The following CACNA1C variants were observed in gnomAD, a reference collection of about 807,000 sequenced individuals.
The protein encoded by CACNA1C is voltage-dependent L-type calcium channel subunit alpha-1C.
In CACNA1C, 30 loss-of-function variants were observed where a neutral mutation model predicts 229.0. The ratio of observed to expected loss-of-function variants is 0.13; its 90% confidence interval spans 0.10 to 0.18. CACNA1C has a LOEUF of 0.18. CACNA1C is among the 10% of genes least tolerant of loss of function. The probability of loss-of-function intolerance (pLI) is 1.00; values close to 1 mark genes in which losing one functional copy is unlikely to be tolerated. For synonymous variants in CACNA1C, 1,114 were observed against 1,132.5 expected, an observed-to-expected ratio of 0.98 and a Z score of 0.33; for missense variants, 1,658 against 2,845.0, an observed-to-expected ratio of 0.58 and a Z score of 9.49.
intron 3 of CACNA1C, among the ~76,000 whole-genome samples, chr12:2,395,719 C>T (rs1158242043): frequency 6.6e-6 from 1 of 152,136 alleles, no homozygotes; most frequent in African/African-American, 2.4e-5. Context: ...CCCATGTATT[C>T]CTTTCAACGC....
In CACNA1C at chr12:2,575,967, G is replaced by A. The variant is rs1288256896; in HGVS notation, c.1896-5623G>A. The stretch of plus-strand genomic sequence containing the variant: ...CAAACCCAGAGACAGACCTAGAGAC[G>A]GGGAAACAAATGGAGATAAAAGGAT... On this transcript the variant is annotated intron_variant, in intron 13 of 46. Coordinates refer to ENST00000399655, the MANE Select transcript of CACNA1C (RefSeq NM_000719.7). This position sits in a 1 kb window ranked among gnomAD's most constrained non-coding sequence, Gnocchi z 4.0. 6.6e-6 allele frequency among the ~76,000 whole-genome samples: 1 copy of A among 152,156 alleles called. No individual in the cohort carries two copies. The highest frequency in any genetic ancestry group is 1.5e-5 in the Non-Finnish European group (1 of 68,032).
At chr12:2,391,219 A>G (rs1389607821) in intron 3 of CACNA1C, among the ~76,000 whole-genome samples, 2 of 152,186 alleles carry the variant, frequency 1.3e-5, no homozygotes, top group Non-Finnish European at 2.9e-5. Flanking sequence ...CATTTGGGGC[A>G]TGTTTGGGTG....
Position 2,218,699 on chromosome 12 carries a change from C to T in CACNA1C, c.477+98269C>T, listed in dbSNP as rs569500476. ...TTCACTCTGGGAAACATTTGATGTC[C>T]GGGCTACTGTAATACGTGAAATAGA... is the stretch of plus-strand genomic sequence containing the variant. On this transcript the variant is annotated intron_variant, in intron 3 of 46. Transcript: ENST00000399655. 7.9e-5 allele frequency among the ~76,000 whole-genome samples: 12 copies of T among 152,248 alleles called. No homozygotes were observed. In the South Asian group the frequency reaches 1.5e-3, roughly 18 times the overall value.
intron 3 of CACNA1C, among the ~76,000 whole-genome samples, chr12:2,437,191 T>C (rs2099142872): frequency 6.6e-6 from 1 of 152,212 alleles, no homozygotes; most frequent in Non-Finnish European, 1.5e-5. Flanking sequence ...TCATAGCCAG[T>C]GGTGCTCCTC....
intron 3 of CACNA1C, among the ~76,000 whole-genome samples, chr12:2,245,190 G>A (rs1357273745): frequency 6.6e-6 from 1 of 152,168 alleles, no homozygotes; most frequent in Admixed American, 6.5e-5. Flanking sequence ...TTAAGAAGGT[G>A]GTTCAATTAA....
chr12:2,490,070 A>G (rs370792272), intron 6 of CACNA1C, among the ~76,000 whole-genome samples: 1 of 152,166 alleles, frequency 6.6e-6, no homozygotes, highest in African/African-American at 2.4e-5. Context: ...ATAGATACCT[A>G]TTTTTACCAG....
intron 2 of CACNA1C, among the ~76,000 whole-genome samples, chr12:2,116,237 G>A (rs1434816483): frequency 3.9e-5 from 6 of 152,230 alleles, no homozygotes; most frequent in African/African-American, 1.4e-4. Context: ...CTGTCTGGAA[G>A]TGTTCTGTTT....
chr12:2,460,957 G>A (rs539577171), intron 5 of CACNA1C, among the ~76,000 whole-genome samples: 2 of 152,306 alleles, frequency 1.3e-5, no homozygotes, highest in South Asian at 2.1e-4. Flanking sequence ...AGTGTGGTTG[G>A]TGTCATCTAC....
intron 3 of CACNA1C, among the ~76,000 whole-genome samples, chr12:2,312,980 T>C (rs2095512650): frequency 6.6e-6 from 1 of 152,204 alleles, no homozygotes; most frequent in South Asian, 2.1e-4. Flanking sequence ...CCCACTGTCC[T>C]TCCCTAGCTT....
rs565909233 is a variant in CACNA1C, at chr12:2,067,328, T to C, written c.49+13717T>C. 1.2e-4 allele frequency among the ~76,000 whole-genome samples: 18 copies of C among 152,136 alleles called. No individual in the cohort carries two copies. The highest frequency in any genetic ancestry group is 4.3e-4 in the African/African-American group (18 of 41,494). On this transcript the variant is annotated intron_variant, in intron 1 of 46. Transcript: ENST00000399655. This position sits in a 1 kb window ranked among gnomAD's most constrained non-coding sequence, Gnocchi z 5.3. ...ATGGGCCCCTTGAGCTCTGAGTGGA[T>C]GCACAAAGGGCCAGGTGGACTTTCT...
At chr12:2,111,283 C>T (rs1244204431) in intron 1 of CACNA1C, among the ~76,000 whole-genome samples, 4 of 152,178 alleles carry the variant, frequency 2.6e-5, no homozygotes, top group Non-Finnish European at 2.9e-5. Flanking sequence ...CAGAAGGCAG[C>T]CCACCAGGAT....
rs2095203980 is a variant in CACNA1C, at chr12:2,653,252, T to C, written c.4075-583T>C. Among the ~76,000 whole-genome samples, 1 of 152,348 alleles carries C rather than the reference T, an allele frequency of 6.6e-6. No individual in the cohort carries two copies. The highest frequency in any genetic ancestry group is 2.1e-4 in the South Asian group (1 of 4,822). On this transcript the variant is annotated intron_variant, in intron 32 of 46. Transcript: ENST00000399655. This position sits in a 1 kb window ranked among gnomAD's most constrained non-coding sequence, Gnocchi z 4.7. ...AACCGCTGAGAGGTATTATTATTGT[T>C]TCCATTTTTCTGATGAGGAGACTGA...
At chr12:2,684,077 C>T (rs2097317214) in intron 43 of CACNA1C, among the ~76,000 whole-genome samples, 2 of 152,282 alleles carry the variant, frequency 1.3e-5, no homozygotes, top group South Asian at 4.1e-4. Flanking sequence ...ACCAGGTGCC[C>T]CACCCTGAGG....
intron 16 of CACNA1C, 59 bp downstream of exon 16, chr12:2,584,676 C>T: frequency 7.0e-6 from 8 of 1,140,788 alleles, no homozygotes; most frequent in Non-Finnish European, 1.3e-6. Context: ...GGAATGTCTT[C>T]CCACTGGTGG....
chr12:2,051,817 A>C (rs571741264), upstream of CACNA1C, among the ~76,000 whole-genome samples: 2 of 152,346 alleles, frequency 1.3e-5, no homozygotes, highest in East Asian at 3.9e-4. Flanking sequence ...TTAGGCTTGA[A>C]ATGTCTATCA....
intron 13 of CACNA1C, among the ~76,000 whole-genome samples, chr12:2,570,528 G>A (rs2053779544): frequency 6.6e-6 from 1 of 152,168 alleles, no homozygotes; most frequent in African/African-American, 2.4e-5. Context: ...AAAGAGAAGA[G>A]AGCTAATAGT....
intron 34 of CACNA1C, among the ~76,000 whole-genome samples, chr12:2,664,169 C>G (rs1358159898): frequency 6.6e-6 from 1 of 152,136 alleles, no homozygotes; most frequent in Non-Finnish European, 1.5e-5. Flanking sequence ...CATTTTATAA[C>G]CAAATTAAAA....
chr12:2,429,390 T>G (rs1162059505), intron 3 of CACNA1C, among the ~76,000 whole-genome samples: 2 of 152,158 alleles, frequency 1.3e-5, no homozygotes, highest in Non-Finnish European at 2.9e-5. Context: ...TCTCCTCGGC[T>G]AACAGAGAGA....
chr12:2,339,698 G>C (rs1307837659), intron 3 of CACNA1C, among the ~76,000 whole-genome samples: 2 of 152,064 alleles, frequency 1.3e-5, no homozygotes, highest in African/African-American at 2.4e-5. Context: ...GACCTACGCA[G>C]GTCATCAAGA....
Sources: allele counts gnomAD v4.1 joint callset (sites outside exome capture counted in the v4.1 genomes callset), GRCh38; gene constraint gnomAD v4.1.1; non-coding constraint Gnocchi (gnomAD v3.1); transcripts MANE v1.5; gene names NCBI Gene and HGNC (gene_info 2026-07-23, HGNC 2026-07-21).